UGT1A4: variants seen among roughly 807,000 people sequenced by gnomAD.
UGT1A4 encodes UDP-glucuronosyltransferase 1A4.
A neutral mutation model predicts 41.1 loss-of-function variants in UGT1A4; 32 were observed. The observed-to-expected ratio is 0.78, with a 90% CI of 0.59 to 1.05. The LOEUF is 1.05. UGT1A4 is among the 50% of genes least tolerant of loss of function. The pLI is 0.00. For synonymous variants in UGT1A4, 283 were observed against 265.1 expected, an observed-to-expected ratio of 1.07 and a Z score of -0.66; for missense variants, 748 against 677.4, an observed-to-expected ratio of 1.10 and a Z score of -1.16.
intron 1 of UGT1A4, chr2:233,747,550 G>C: frequency 6.2e-6 from 10 of 1,601,970 alleles, no homozygotes; most frequent in Non-Finnish European, 7.7e-6. Context: ...TTTTCTAAAA[G>C]TATGGCAATT....
intron 1 of UGT1A4, chr2:233,755,135 T>A (rs1342380152): frequency 7.6e-7 from 1 of 1,315,532 alleles, no homozygotes; most frequent in African/African-American, 1.5e-5. Flanking sequence ...CCTGCTTGAA[T>A]CTTCTCACCG....
chr2:233,742,226 C>T (rs1013770254), intron 1 of UGT1A4, among the ~76,000 whole-genome samples: 6 of 151,818 alleles, frequency 4.0e-5, no homozygotes, highest in Admixed American at 6.5e-5. Flanking sequence ...GGCTGAGAGC[C>T]CCAAACAGAG....
At chr2:233,747,868 C>T (rs1693797482) in intron 1 of UGT1A4, 2 of 1,613,534 alleles carry the variant, frequency 1.2e-6, no homozygotes, top group Non-Finnish European at 1.7e-6. Flanking sequence ...TACCCTCTGG[C>T]CCTGTCCTAC....
chr2:233,728,979 T>A, intron 1 of UGT1A4: 1 of 1,500,276 alleles, frequency 6.7e-7, no homozygotes, highest in Non-Finnish European at 8.9e-7. Flanking sequence ...AGATTAATGG[T>A]TAATAATTAA....
chr2:233,769,918 G>T lies in UGT1A4; in HGVS notation c.1307+1479G>T. ...TGAGCATCATGTGCCCAGAGCGTTG[G>T]GTGGTGTGGTCCCATTCCTTCCTTC... is the stretch of plus-strand genomic sequence containing the variant. On this transcript the variant is annotated intron_variant, in intron 4 of 4. Coordinates refer to ENST00000373409, the MANE Select transcript of UGT1A4 (RefSeq NM_007120.3). This position sits in a 1 kb window ranked among gnomAD's most constrained non-coding sequence, Gnocchi z 4.4. The T allele has an allele frequency of 3.5e-6, 1 of 286,558 alleles. No homozygotes were observed. The highest frequency in any genetic ancestry group is 6.5e-6 in the Non-Finnish European group (1 of 153,120). 17.8% of individuals were successfully genotyped at this position (286,558 alleles called of 1,614,324 possible). A position where few individuals can be genotyped will look rare whatever the true frequency, so the allele number is the denominator to read the frequency against.
intron 1 of UGT1A4, chr2:233,753,231 A>G (rs1378697040): frequency 1.3e-5 from 2 of 152,142 alleles, no homozygotes; most frequent in African/African-American, 4.8e-5. Flanking sequence ...CTTCTTGTAT[A>G]GTTATTATTT....
Position 233,718,891 on chromosome 2 carries a change from C to G in UGT1A4, c.71C>G (p.Pro24Arg), listed in dbSNP as rs1334385335. 1 of 1,613,878 alleles carries G rather than the reference C, an allele frequency of 6.2e-7. No individual in the cohort carries two copies. Among genetic ancestry groups the G allele is most frequent in the African/African-American group, 1.3e-5 (1 of 74,924 alleles). Reference protein sequence around the residue: ...TGLLLLLSVQPWAESGKVLVV... With the variant: ...TGLLLLLSVQRWAESGKVLVV... ...CTGCTGCTCCTCCTCAGTGTCCAGC[C>G]CTGGGCTGAGAGTGGAAAGGTGTTG... The change falls in exon 1 of 5, where the codon CCC becomes CGC. Residue 24 changes from proline (P) to arginine (R), a missense_variant. Coordinates refer to ENST00000373409, the MANE Select transcript of UGT1A4 (RefSeq NM_007120.3).
At chr2:233,741,652 T>A (rs1179014053) in intron 1 of UGT1A4, 1 of 151,932 alleles carries the variant, frequency 6.6e-6, no homozygotes, top group Non-Finnish European at 1.5e-5. Context: ...GCCAGCTGAC[T>A]GCCATGTTCC....
At position 233,773,153 on chromosome 2, in the gene UGT1A4, T is replaced by C. The variant is rs2126068054; in HGVS notation, c.*594T>C. 6.5e-6 allele frequency: 1 copy of C among 154,246 alleles called. No individual in the cohort carries two copies. The highest frequency in any genetic ancestry group is 3.4e-3 in the Middle Eastern group (1 of 294). 9.6% of individuals were successfully genotyped at this position (154,246 alleles called of 1,614,324 possible). A position where few individuals can be genotyped will look rare whatever the true frequency, so the allele number is the denominator to read the frequency against. On this transcript the variant is annotated 3_prime_UTR_variant, in exon 5 of 5. Coordinates refer to ENST00000373409, the MANE Select transcript of UGT1A4 (RefSeq NM_007120.3). ...ATGATGCTATGAAATTGGTGGGTGG[T>C]GTATTTGAGAAGATAATCATTGCTT...
In UGT1A4 at chr2:233,754,967, C is replaced by T. The variant is rs562774815; in HGVS notation, c.868-12067C>T. ...ATGGGTCCCGGCCGCCAAAGAACTC[C>T]CTGAAGACCTCGGCGGGGTCACGGA... On this transcript the variant is annotated intron_variant, in intron 1 of 4. Coordinates refer to ENST00000373409, the MANE Select transcript of UGT1A4 (RefSeq NM_007120.3). 6 of 1,302,806 alleles carry T rather than the reference C, an allele frequency of 4.6e-6. No homozygotes were observed. In the African/African-American group the frequency reaches 7.5e-5, roughly 16 times the overall value. 80.7% of individuals were successfully genotyped at this position (1,302,806 alleles called of 1,614,324 possible). A position where few individuals can be genotyped will look rare whatever the true frequency, so the allele number is the denominator to read the frequency against.
chr2:233,754,982 G>A (rs777457239), intron 1 of UGT1A4: 2 of 1,295,872 alleles, frequency 1.5e-6, no homozygotes, highest in African/African-American at 3.0e-5. Flanking sequence ...AGACCTCGGC[G>A]GGGTCACGGA....
rs762018928 is a variant in UGT1A4 at position 233,757,539 on chromosome 2, T to TATATACATATAC, written c.868-9490_868-9489insCATATACATATA. 2.5e-3 allele frequency among the ~76,000 whole-genome samples: 287 copies of TATATACATATAC among 115,694 alleles called. 10 individuals are homozygous for TATATACATATAC. The highest frequency in any genetic ancestry group is 0.013 in the Admixed American group (155 of 12,116). 75.9% of individuals were successfully genotyped at this position (115,694 alleles called of 152,430 possible). ...GCCAAAATCTTGCCTGTAAGGAATA[T>TATATACATATAC]ATATATATATATATATATATATGTA... On this transcript the variant is annotated intron_variant, in intron 1 of 4. Coordinates refer to ENST00000373409, the MANE Select transcript of UGT1A4 (RefSeq NM_007120.3).
intron 1 of UGT1A4, among the ~76,000 whole-genome samples, chr2:233,738,616 G>A (rs1192038342): frequency 6.6e-6 from 1 of 152,208 alleles, no homozygotes; most frequent in Non-Finnish European, 1.5e-5. Context: ...AAAGAAACTC[G>A]TGGCATTTTT....
At chr2:233,739,019 A>G (rs1003035720) in intron 1 of UGT1A4, 4 of 152,282 alleles carry the variant, frequency 2.6e-5, no homozygotes, top group African/African-American at 7.2e-5. Flanking sequence ...GGCTCCAGCC[A>G]TGGCTAAAAG....
intron 1 of UGT1A4, chr2:233,760,219 C>A: frequency 6.3e-7 from 1 of 1,593,340 alleles, no homozygotes; most frequent in Non-Finnish European, 8.5e-7. Context: ...CTTGGTGTAT[C>A]GATTGGTTTT....
intron 1 of UGT1A4, among the ~76,000 whole-genome samples, chr2:233,736,744 G>A (rs1355723073): frequency 6.6e-6 from 1 of 152,214 alleles, no homozygotes; most frequent in Non-Finnish European, 1.5e-5. Context: ...GTTCCTTTCT[G>A]TTTGTTAGTT....
At chr2:233,761,295 T>C in intron 1 of UGT1A4, 1 of 1,507,920 alleles carries the variant, frequency 6.6e-7, no homozygotes. Flanking sequence ...GACTCCTAGG[T>C]TTGAGTCTGT....
In UGT1A4 at chr2:233,719,326, CTG is replaced by C; in HGVS notation, c.510_511del (p.Phe172LeufsTer7). The C allele has an allele frequency of 6.2e-7, 1 of 1,613,946 alleles. No individual in the cohort carries two copies. On this transcript the variant is annotated frameshift_variant, in exon 1 of 5. Coordinates refer to ENST00000373409, the MANE Select transcript of UGT1A4 (RefSeq NM_007120.3). LOFTEE classifies it high-confidence loss of function. Reference sequence around the variant, plus strand: ...CTGGCTAAGTACCTGTCGATTCCTGCTGTGTTTTTTTGGAGGTACATTCCATG... The same window carrying C: ...CTGGCTAAGTACCTGTCGATTCCTGCTGTTTTTTTGGAGGTACATTCCATG...
At chr2:233,755,292 G>A (rs548797616) in intron 1 of UGT1A4, 11 of 646,792 alleles carry the variant, frequency 1.7e-5, no homozygotes, top group Non-Finnish European at 2.6e-5. Context: ...AAGAGCCTGC[G>A]GGGCACTGGC....
Sources: allele counts gnomAD v4.1 joint callset (sites outside exome capture counted in the v4.1 genomes callset), GRCh38; gene constraint gnomAD v4.1.1; non-coding constraint Gnocchi (gnomAD v3.1); transcripts MANE v1.5; gene names NCBI Gene and HGNC (gene_info 2026-07-23, HGNC 2026-07-21).